The following PHLPP1 variants were observed in gnomAD, a reference collection of about 807,000 sequenced individuals.
PHLPP1 encodes PH domain and leucine rich repeat protein phosphatase 1, also known as PH domain leucine-rich repeat-containing protein phosphatase 1.
A neutral mutation model predicts 117.2 loss-of-function variants in PHLPP1; 42 were observed. That is an observed-to-expected ratio of 0.36 (90% CI 0.28 to 0.46). The LOEUF is 0.46. Among genes scored for constraint, PHLPP1 ranks in the 20% least tolerant of loss-of-function variants. PHLPP1 has a pLI of 1.00. For missense variants in PHLPP1, 2,084 were observed against 2,241.9 expected, an observed-to-expected ratio of 0.93 and a Z score of 1.42; for synonymous variants, 1,042 against 970.7, an observed-to-expected ratio of 1.07 and a Z score of -1.37.
At chr18:62,850,841 T>C (rs993700203) in intron 3 of PHLPP1, among the ~76,000 whole-genome samples, 2 of 152,192 alleles carry the variant, frequency 1.3e-5, no homozygotes, top group Non-Finnish European at 1.5e-5. Flanking sequence ...GGCCGCATGA[T>C]GAGCTCACTG....
intron 10 of PHLPP1, among the ~76,000 whole-genome samples, chr18:62,932,964 A>G (rs1340702719): frequency 2.0e-5 from 3 of 152,216 alleles, no homozygotes; most frequent in Non-Finnish European, 4.4e-5. Context: ...CCTATACACC[A>G]GTAACTTTCA....
chr18:62,829,996 AT>A, intron 1 of PHLPP1, 38 bp from the exon 2 acceptor site: 1 of 1,523,120 alleles, frequency 6.6e-7, no homozygotes. Context: ...AAAAGGGTCC[AT>A]TTTAAAAGAA....
chr18:62,745,385 T>A (rs1464040342), intron 1 of PHLPP1, among the ~76,000 whole-genome samples: 1 of 152,234 alleles, frequency 6.6e-6, no homozygotes, highest in African/African-American at 2.4e-5. Context: ...AAAATGTAGT[T>A]TGAATGACTC....
chr18:62,748,863 G>A (rs1911758109), intron 1 of PHLPP1, among the ~76,000 whole-genome samples: 2 of 151,756 alleles, frequency 1.3e-5, no homozygotes, highest in Non-Finnish European at 2.9e-5. Context: ...CACCTTTTAA[G>A]GTTTTAATTT....
chr18:62,882,420 C>T (rs1916192593), intron 4 of PHLPP1, among the ~76,000 whole-genome samples: 1 of 152,116 alleles, frequency 6.6e-6, no homozygotes, highest in Non-Finnish European at 1.5e-5. Context: ...AGGCGCCCGC[C>T]ACCGCGCCTG....
intron 10 of PHLPP1, among the ~76,000 whole-genome samples, chr18:62,935,218 G>A (rs1017439477): frequency 1.4e-4 from 21 of 152,094 alleles, no homozygotes; most frequent in African/African-American, 4.8e-4. Context: ...GAAATCAAAA[G>A]CCTTTGTATA....
intron 1 of PHLPP1, among the ~76,000 whole-genome samples, chr18:62,765,333 T>G (rs1332788018): frequency 6.6e-6 from 1 of 152,206 alleles, no homozygotes; most frequent in Non-Finnish European, 1.5e-5. Context: ...TCAGCCCTAA[T>G]GTCACTCCCC....
chr18:62,828,406 A>G (rs1914668013), intron 1 of PHLPP1, among the ~76,000 whole-genome samples: 1 of 152,214 alleles, frequency 6.6e-6, no homozygotes, highest in Admixed American at 6.5e-5. Context: ...GTGGTAGACA[A>G]ACAATATGGT....
intron 1 of PHLPP1, chr18:62,731,446 A>C (rs554150102): frequency 3.3e-5 from 5 of 152,308 alleles, no homozygotes; most frequent in African/African-American, 9.6e-5. Context: ...CAAGCTTGAT[A>C]AAGTTGTGTG....
chr18:62,941,242 T>C (rs964434461), intron 10 of PHLPP1, among the ~76,000 whole-genome samples: 5 of 152,228 alleles, frequency 3.3e-5, no homozygotes, highest in Admixed American at 2.6e-4. Flanking sequence ...GTTTTATTAC[T>C]ATAAGAACCA....
chr18:62,807,164 A>T (rs1473282759), intron 1 of PHLPP1, among the ~76,000 whole-genome samples: 3 of 152,074 alleles, frequency 2.0e-5, no homozygotes, highest in Non-Finnish European at 2.9e-5. Context: ...CCACAAGATA[A>T]TTTTCTTCTT....
intron 10 of PHLPP1, among the ~76,000 whole-genome samples, chr18:62,924,976 C>T (rs1909581568): frequency 6.6e-6 from 1 of 152,014 alleles, no homozygotes. Flanking sequence ...TTATCTTCAT[C>T]TTCCTCTAAA....
At position 62,716,018 on chromosome 18, in the gene PHLPP1, C is replaced by CCGG. The variant is rs1234059929; in HGVS notation, c.344_346dup (p.Gly115dup). 1 of 1,387,374 alleles carries CCGG rather than the reference C, an allele frequency of 7.2e-7. No homozygotes were observed. The highest frequency in any genetic ancestry group is 9.3e-7 in the Non-Finnish European group (1 of 1,079,594). The allele number at this position is 1,387,374 out of a possible 1,614,324, so 85.9% of individuals were successfully genotyped here. A position where few individuals can be genotyped will look rare whatever the true frequency, so the allele number is the denominator to read the frequency against. The stretch of plus-strand genomic sequence containing the variant: ...GGCGGGGCTGCCCCCGTACCCGGGG[C>CCGG]CGGCGGCGGCGCCAACTCCCTCCTG... On this transcript the variant is annotated inframe_insertion, in exon 1 of 17. Transcript: ENST00000262719. The surrounding 1 kb of genome is among the most constrained non-coding windows in gnomAD (Gnocchi z 5.7).
intron 6 of PHLPP1, 59 bp downstream of exon 6, chr18:62,896,070 G>A (rs1333194125): frequency 6.7e-6 from 7 of 1,043,170 alleles, no homozygotes; most frequent in African/African-American, 3.2e-5. Context: ...GCAGGGGTGG[G>A]GAGTAGGTTA....
chr18:62,917,975 C>T (rs991504220), intron 9 of PHLPP1, among the ~76,000 whole-genome samples: 5 of 152,042 alleles, frequency 3.3e-5, no homozygotes, highest in African/African-American at 1.2e-4. Flanking sequence ...GAGGCCGAGG[C>T]AGGCGGATCA....
At chr18:62,872,986 CAA>C (rs60920082) in intron 4 of PHLPP1, among the ~76,000 whole-genome samples, 35 of 54,810 alleles carry the variant, frequency 6.4e-4, no homozygotes, top group Admixed American at 3.3e-3. Context: ...AACTCTGCCT[CAA>C]AAAAAAAAAA....
intron 1 of PHLPP1, among the ~76,000 whole-genome samples, chr18:62,742,100 A>G (rs1209178158): frequency 6.6e-6 from 1 of 152,210 alleles, no homozygotes; most frequent in African/African-American, 2.4e-5. Flanking sequence ...AAACCATTCC[A>G]TTGAGTTATC....
intron 1 of PHLPP1, among the ~76,000 whole-genome samples, chr18:62,741,828 T>C (rs1309916274): frequency 6.6e-6 from 1 of 151,274 alleles, no homozygotes; most frequent in Non-Finnish European, 1.5e-5. Context: ...AGCCCTGAGG[T>C]AGGAAGCCCG....
At chr18:62,720,156 GA>G (rs1256288009) in intron 1 of PHLPP1, among the ~76,000 whole-genome samples, 92 of 152,234 alleles carry the variant, frequency 6.0e-4, no homozygotes, top group African/African-American at 2.2e-3. Context: ...AATTTTGCCT[GA>G]AAGAGAGTAA....
Sources: gnomAD v4.1 joint callset for allele counts (sites outside exome capture counted in the v4.1 genomes callset) on GRCh38, gnomAD v4.1.1 for gene constraint, Gnocchi (gnomAD v3.1) non-coding constraint, MANE v1.5 for transcripts, NCBI Gene and HGNC (gene_info 2026-07-23, HGNC 2026-07-21) for gene names.